Variants in SMARCA2 observed in about 807,000 individuals in gnomAD.
The protein encoded by SMARCA2 is SWI/SNF-related matrix-associated actin-dependent regulator of chromatin subfamily A member 2.
In SMARCA2, 61 loss-of-function variants were observed where a neutral mutation model predicts 199.8. The observed-to-expected ratio is 0.31, with a 90% CI of 0.25 to 0.38. The LOEUF (loss-of-function observed/expected upper bound fraction) is 0.38, where lower values mean the gene tolerates loss of function less well. Ranked by LOEUF, SMARCA2 falls within the 10% of genes least tolerant of loss-of-function variation. SMARCA2 has a pLI of 1.00. For synonymous variants in SMARCA2, 935 were observed against 732.0 expected (o/e 1.28, Z -4.48); for missense variants, 1,344 against 2,012.2 (o/e 0.67, Z 6.35).
At chr9:2,061,804 A>G (rs1292387213) in intron 9 of SMARCA2, among the ~76,000 whole-genome samples, 3 of 152,342 alleles carry the variant, frequency 2.0e-5, no homozygotes, top group Middle Eastern at 3.4e-3. Context: ...AGTGAACAAA[A>G]TGCTTTTCAA....
chr9:2,182,437 T>A (rs36186623), intron 31 of SMARCA2, among the ~76,000 whole-genome samples, 195 bp downstream of exon 31: 1 of 150,594 alleles, frequency 6.6e-6, no homozygotes, highest in African/African-American at 2.4e-5. Flanking sequence ...GTACCACAGC[T>A]GTGCTAGCGC....
rs1828000656 is a variant in SMARCA2, at chr9:2,193,035, T to TAA, written c.*297_*298dup. On this transcript the variant is annotated 3_prime_UTR_variant, in exon 34 of 34. Transcript: ENST00000349721. ...GATAGTATATTTCTATGGGTGGGTC[T>TAA]AATTTGGTAACGGTTTGATTGTGCC... 6.4e-6 allele frequency: 2 copies of TAA among 314,134 alleles called. No individual in the cohort carries two copies. The highest frequency in any genetic ancestry group is 1.2e-5 in the Non-Finnish European group (2 of 173,424). 19.5% of individuals were successfully genotyped at this position (314,134 alleles called of 1,614,324 possible).
chr9:2,187,292 G>C lies in SMARCA2; in HGVS notation c.4594+1064G>C, dbSNP rs150092177. Reference sequence around the variant, plus strand: ...TGCCCCCTTAAATTTTACACCCAAGGTGCGTGCCTCCATTGTTTGACCCTA... The same window carrying C: ...TGCCCCCTTAAATTTTACACCCAAGCTGCGTGCCTCCATTGTTTGACCCTA... On this transcript the variant is annotated intron_variant, in intron 32 of 33. Transcript: ENST00000349721. 3.3e-5 allele frequency among the ~76,000 whole-genome samples: 5 copies of C among 152,218 alleles called. No individual in the cohort carries two copies. In the East Asian group the frequency reaches 5.8e-4, roughly 18 times the overall value.
chr9:2,053,186 C>T (rs1820202654), intron 5 of SMARCA2, among the ~76,000 whole-genome samples: 1 of 152,024 alleles, frequency 6.6e-6, no homozygotes, highest in African/African-American at 2.4e-5. Flanking sequence ...CCATGAATAC[C>T]CAGTGTTTAG....
intron 16 of SMARCA2, 44 bp from the exon 17 acceptor site, chr9:2,084,042 A>G (rs775302741): frequency 1.4e-5 from 14 of 1,033,072 alleles, no homozygotes; most frequent in Middle Eastern, 2.0e-4. Flanking sequence ...TAATGCACAT[A>G]TATGTCCATA....
chr9:2,041,901 A>T (rs979072565), intron 4 of SMARCA2: 1 of 152,348 alleles, frequency 6.6e-6, no homozygotes, highest in African/African-American at 2.4e-5. Context: ...TGGCCTACTC[A>T]TGTGCCATTC....
At chr9:2,082,087 T>A in intron 15 of SMARCA2, 92 bp downstream of exon 15, 1 of 1,078,486 alleles carries the variant, frequency 9.3e-7, no homozygotes, top group Non-Finnish European at 1.3e-6. Context: ...TAAGACAGAA[T>A]TGTAGCATGT....
chr9:2,135,661 C>T (rs1210049204), intron 27 of SMARCA2, among the ~76,000 whole-genome samples: 1 of 152,054 alleles, frequency 6.6e-6, no homozygotes, highest in African/African-American at 2.4e-5. Flanking sequence ...CCTACTTCAG[C>T]CTCCCAAGTA....
intron 31 of SMARCA2, among the ~76,000 whole-genome samples, chr9:2,183,662 G>A (rs1387718714): frequency 6.6e-6 from 1 of 152,166 alleles, no homozygotes; most frequent in Non-Finnish European, 1.5e-5. Context: ...TTCAGAATGT[G>A]CCTTGAACAG....
chr9:2,083,316 T>G, intron 15 of SMARCA2, 31 bp from the exon 16 acceptor site: 1 of 1,442,362 alleles, frequency 6.9e-7, no homozygotes, highest in African/African-American at 1.4e-5. Context: ...CAAATGTCTT[T>G]TTTCTGTTGT....
chr9:2,118,360 T>A (rs1183680843), intron 25 of SMARCA2, among the ~76,000 whole-genome samples: 1 of 152,224 alleles, frequency 6.6e-6, no homozygotes, highest in Admixed American at 6.5e-5. Flanking sequence ...CTTTATTGGA[T>A]TGCATTCATT....
At chr9:2,030,743 T>C (rs995267709) in intron 2 of SMARCA2, among the ~76,000 whole-genome samples, 1 of 152,022 alleles carries the variant, frequency 6.6e-6, no homozygotes, top group Non-Finnish European at 1.5e-5. Flanking sequence ...ACACATAAAA[T>C]GAACCATTAC....
chr9:2,137,121 G>A (rs1824230126), intron 27 of SMARCA2, among the ~76,000 whole-genome samples: 1 of 152,152 alleles, frequency 6.6e-6, no homozygotes, highest in Non-Finnish European at 1.5e-5. Context: ...GTACAGCACG[G>A]CCCATTCATT....
chr9:2,072,491 AGTTGG>A (rs1821132643), intron 10 of SMARCA2, among the ~76,000 whole-genome samples: 1 of 152,188 alleles, frequency 6.6e-6, no homozygotes, highest in South Asian at 2.1e-4. Flanking sequence ...AGATACCAAT[AGTTGG>A]GTTAGACCCC....
At chr9:2,189,661 C>T (rs548702532) in intron 32 of SMARCA2, among the ~76,000 whole-genome samples, 1 of 151,934 alleles carries the variant, frequency 6.6e-6, no homozygotes, top group Admixed American at 6.6e-5. Flanking sequence ...TTACTCCACC[C>T]AAAGCAAAGG....
chr9:2,182,297 T>A (rs1297140003), intron 31 of SMARCA2, 55 bp downstream of exon 31: 1 of 1,039,248 alleles, frequency 9.6e-7, no homozygotes. Context: ...CCCGTTGTTC[T>A]TTTTAAGTAG....
intron 26 of SMARCA2, among the ~76,000 whole-genome samples, chr9:2,121,525 G>T (rs1225984791): frequency 6.6e-6 from 1 of 152,176 alleles, no homozygotes; most frequent in African/African-American, 2.4e-5. Flanking sequence ...GCCAGCTACA[G>T]ATTAAAAAGT....
chr9:2,081,885 C>T lies in SMARCA2; in HGVS notation c.2238C>T (p.Ile746=). The change falls in exon 15 of 34, where the codon ATC becomes ATT. Residue 746 remains isoleucine (I), a synonymous_variant. Transcript: ENST00000349721. ...VSLYNNNLNG[I]LADEMGLGKT... Reference sequence around the variant, plus strand: ...TGTATAATAACAACTTGAACGGAATCTTAGCCGATGAAATGGGGCTTGGAA... The same window carrying T: ...TGTATAATAACAACTTGAACGGAATTTTAGCCGATGAAATGGGGCTTGGAA... The T allele has an allele frequency of 6.2e-7, 1 of 1,614,046 alleles. No homozygotes were observed.
chr9:2,137,483 C>G (rs1824254348), intron 27 of SMARCA2, among the ~76,000 whole-genome samples: 1 of 152,148 alleles, frequency 6.6e-6, no homozygotes, highest in African/African-American at 2.4e-5. Flanking sequence ...GTCCTTGGCA[C>G]TTCTAGAAGT....
Sources: allele counts gnomAD v4.1 joint callset (sites outside exome capture counted in the v4.1 genomes callset), GRCh38; gene constraint gnomAD v4.1.1; transcripts MANE v1.5; gene names NCBI Gene and HGNC (gene_info 2026-07-23, HGNC 2026-07-21).